DENND1A: variants seen among roughly 807,000 people sequenced by gnomAD.
The protein encoded by DENND1A is DENN domain-containing protein 1A.
DENND1A carries 51 observed loss-of-function variants against 113.7 expected under a neutral mutation model. That is an observed-to-expected ratio of 0.45 (90% CI 0.36 to 0.57). The LOEUF (loss-of-function observed/expected upper bound fraction) is 0.57. Among genes scored for constraint, DENND1A ranks in the 20% least tolerant of loss-of-function variants. The pLI, the probability that DENND1A is intolerant of heterozygous loss-of-function variation, is 0.00. For missense variants in DENND1A, 1,258 were observed against 1,395.9 expected, an observed-to-expected ratio of 0.90 and a Z score of 1.57; for synonymous variants, 565 against 570.8, an observed-to-expected ratio of 0.99 and a Z score of 0.14.
chr9:123,662,128 G>A (rs1589565969), intron 8 of DENND1A, among the ~76,000 whole-genome samples: 1 of 152,300 alleles, frequency 6.6e-6, no homozygotes, highest in East Asian at 1.9e-4. Flanking sequence ...CCAAAGGATG[G>A]TTACAATAAG....
At chr9:123,722,168 C>G (rs942261351) in intron 5 of DENND1A, among the ~76,000 whole-genome samples, 2 of 152,214 alleles carry the variant, frequency 1.3e-5, no homozygotes, top group African/African-American at 4.8e-5. Flanking sequence ...AGCAAAGAGA[C>G]TGGCAGCATT....
intron 11 of DENND1A, among the ~76,000 whole-genome samples, chr9:123,597,984 G>C (rs2059771103): frequency 6.6e-6 from 1 of 152,224 alleles, no homozygotes; most frequent in African/African-American, 2.4e-5. Context: ...CCCAGTAGCA[G>C]CCAGGAGGAC....
intron 2 of DENND1A, among the ~76,000 whole-genome samples, chr9:123,818,557 CACACACACACAT>C (rs879709244): frequency 0.024 from 3,204 of 132,256 alleles, 76 homozygotes; most frequent in South Asian, 0.043. Context: ...CACACACACA[CACACACACACAT>C]ATATATATAT....
intron 2 of DENND1A, among the ~76,000 whole-genome samples, chr9:123,856,536 A>T (rs950367575): frequency 6.6e-6 from 1 of 152,192 alleles, no homozygotes; most frequent in Non-Finnish European, 1.5e-5. Context: ...GTGAGGTGTC[A>T]GAGCACCTGA....
intron 6 of DENND1A, 70 bp from the exon 7 acceptor site, chr9:123,671,441 C>A: frequency 6.8e-7 from 1 of 1,473,834 alleles, no homozygotes; most frequent in Non-Finnish European, 9.4e-7. Flanking sequence ...GCAGGGAGGT[C>A]TGGGCACACA....
At chr9:123,834,986 A>C (rs2132850627) in intron 2 of DENND1A, among the ~76,000 whole-genome samples, 1 of 152,358 alleles carries the variant, frequency 6.6e-6, no homozygotes, top group South Asian at 2.1e-4. Context: ...AAAATACTGC[A>C]AGCTGTTACC....
chr9:123,753,980 G>C (rs1193025265), intron 5 of DENND1A, among the ~76,000 whole-genome samples: 1 of 152,178 alleles, frequency 6.6e-6, no homozygotes, highest in Non-Finnish European at 1.5e-5. Context: ...GTCAGACAAG[G>C]AGGAAGTGAA....
At position 123,552,039 on chromosome 9, in the gene DENND1A, C is replaced by CAGAGAGAGAGAGAGAGAGAGAGAGAG. The variant is rs58452320; in HGVS notation, c.993+5505_993+5530dup. Among the ~76,000 whole-genome samples, 8 of 128,324 alleles carry CAGAGAGAGAGAGAGAGAGAGAGAGAG rather than the reference C, an allele frequency of 6.2e-5. 1 individual carries two copies. The highest frequency in any genetic ancestry group is 2.5e-4 in the African/African-American group (8 of 32,432). 84.2% of individuals were successfully genotyped at this position (128,324 alleles called of 152,430 possible). A position where few individuals can be genotyped will look rare whatever the true frequency, so the allele number is the denominator to read the frequency against. ...AGAGCGAGAGAGAGAGAGAGAGAGA[C>CAGAGAGAGAGAGAGAGAGAGAGAGAG]AGAGAGAGAGAGAGAGAGAGAGAGA... is the stretch of plus-strand genomic sequence containing the variant. On this transcript the variant is annotated intron_variant, in intron 13 of 23. Coordinates refer to ENST00000394215, the MANE Select transcript of DENND1A (RefSeq NM_001352964.2).
At chr9:123,767,359 G>A (rs1161898273) in intron 4 of DENND1A, among the ~76,000 whole-genome samples, 1 of 151,522 alleles carries the variant, frequency 6.6e-6, no homozygotes, top group East Asian at 1.9e-4. Context: ...ACATGGTAAG[G>A]AATGAAATAT....
chr9:123,821,365 A>T (rs2132617050), intron 2 of DENND1A, among the ~76,000 whole-genome samples: 1 of 152,330 alleles, frequency 6.6e-6, no homozygotes, highest in African/African-American at 2.4e-5. Flanking sequence ...TGTCATTTTC[A>T]AAATGAAAAA....
At chr9:123,647,349 G>C (rs1350260898) in intron 9 of DENND1A, among the ~76,000 whole-genome samples, 1 of 152,154 alleles carries the variant, frequency 6.6e-6, no homozygotes, top group Non-Finnish European at 1.5e-5. Context: ...CATACACTTA[G>C]TTTACCTCTG....
chr9:123,791,261 T>C (rs1219972075), intron 3 of DENND1A, among the ~76,000 whole-genome samples: 4 of 152,104 alleles, frequency 2.6e-5, no homozygotes, highest in African/African-American at 9.7e-5. Flanking sequence ...TACGTTAAGA[T>C]TTTCCAGCCT....
At chr9:123,520,930 C>A (rs1206553408) in intron 13 of DENND1A, among the ~76,000 whole-genome samples, 3 of 152,226 alleles carry the variant, frequency 2.0e-5, no homozygotes, top group Non-Finnish European at 4.4e-5. Context: ...TCTATGAGAA[C>A]AGTGTCTGGT....
intron 5 of DENND1A, among the ~76,000 whole-genome samples, chr9:123,690,107 A>AG (rs2065087633): frequency 3.6e-5 from 3 of 82,516 alleles, no homozygotes; most frequent in East Asian, 4.6e-4. Flanking sequence ...GGAGGGAGGG[A>AG]GGAAGAAAAA....
At chr9:123,685,275 A>G (rs2064738164) in intron 5 of DENND1A, among the ~76,000 whole-genome samples, 1 of 152,200 alleles carries the variant, frequency 6.6e-6, no homozygotes, top group South Asian at 2.1e-4. Flanking sequence ...GGGAGCTCTA[A>G]GCCAGTCTCA....
intron 5 of DENND1A, among the ~76,000 whole-genome samples, chr9:123,755,011 C>T (rs1318809811): frequency 6.6e-6 from 1 of 152,068 alleles, no homozygotes; most frequent in Non-Finnish European, 1.5e-5. Context: ...TAGAGAAAAA[C>T]CTTTTTGCAA....
At chr9:123,874,021 G>A (rs533430806) in intron 2 of DENND1A, among the ~76,000 whole-genome samples, 23 of 152,148 alleles carry the variant, frequency 1.5e-4, no homozygotes, top group East Asian at 3.9e-4. Flanking sequence ...GATTACAGGC[G>A]TAAGCCACTG....
intron 10 of DENND1A, among the ~76,000 whole-genome samples, chr9:123,626,085 G>C (rs1045409732): frequency 3.3e-5 from 5 of 151,750 alleles, no homozygotes; most frequent in Non-Finnish European, 7.4e-5. Flanking sequence ...TGGAGATGGC[G>C]ATCTCACAAT....
At chr9:123,639,467 A>AC (rs905769779) in intron 9 of DENND1A, among the ~76,000 whole-genome samples, 1 of 150,774 alleles carries the variant, frequency 6.6e-6, no homozygotes, top group African/African-American at 2.4e-5. Flanking sequence ...AAAAAAAAAA[A>AC]AAAAAACCTC....
Sources: allele counts gnomAD v4.1 joint callset (sites outside exome capture counted in the v4.1 genomes callset), GRCh38; gene constraint gnomAD v4.1.1; transcripts MANE v1.5; gene names NCBI Gene and HGNC (gene_info 2026-07-23, HGNC 2026-07-21).